PLCB1: variants seen among roughly 807,000 people sequenced by gnomAD.
The protein encoded by PLCB1 is phospholipase C beta 1.
PLCB1 carries 46 observed loss-of-function variants against 161.8 expected under a neutral mutation model. The ratio of observed to expected loss-of-function variants is 0.28; its 90% CI spans 0.22 to 0.36. The LOEUF (loss-of-function observed/expected upper bound fraction) is 0.36, where lower values mean the gene tolerates loss of function less well. Ranked by LOEUF, PLCB1 falls within the 10% of genes least tolerant of loss-of-function variation. The probability of loss-of-function intolerance (pLI) is 1.00; values close to 1 mark genes in which losing one functional copy is unlikely to be tolerated. For missense variants in PLCB1, 1,016 were observed against 1,472.5 expected (o/e 0.69, Z 5.07); for synonymous variants, 517 against 503.7 (o/e 1.03, Z -0.35).
At chr20:8,258,358 C>T (rs894460694) in intron 2 of PLCB1, among the ~76,000 whole-genome samples, 1 of 152,130 alleles carries the variant, frequency 6.6e-6, no homozygotes, top group Non-Finnish European at 1.5e-5. Flanking sequence ...GATTGTGGAG[C>T]CTGCCTGGAG....
chr20:8,374,313 C>G (rs867754781), intron 3 of PLCB1, among the ~76,000 whole-genome samples: 1 of 152,200 alleles, frequency 6.6e-6, no homozygotes, highest in African/African-American at 2.4e-5. Flanking sequence ...GCCTCCCCGT[C>G]GTCTTCCAGC....
chr20:8,725,414 C>G (rs1284719918), intron 16 of PLCB1, among the ~76,000 whole-genome samples: 3 of 152,118 alleles, frequency 2.0e-5, no homozygotes, highest in African/African-American at 7.2e-5. Flanking sequence ...TTGAAACTTA[C>G]TAGCCACTTA....
chr20:8,499,243 A>C (rs1343444386), intron 3 of PLCB1, among the ~76,000 whole-genome samples: 1 of 152,204 alleles, frequency 6.6e-6, no homozygotes, highest in African/African-American at 2.4e-5. Context: ...AAGGGTGAAA[A>C]TAATAATTCT....
At position 8,289,596 on chromosome 20, in the gene PLCB1, C is replaced by G. The variant is rs189229506; in HGVS notation, c.178-81786C>G. ...GGAAGCAGAATTTGAATCCAGGCAG[C>G]CTGAATCCCAAATGTGTCACCTGAA... On this transcript the variant is annotated intron_variant, in intron 2 of 31. Transcript: ENST00000338037. Among the ~76,000 whole-genome samples the G allele has an allele frequency of 1.9e-3, 286 of 152,246 alleles. 1 individual carries two copies. Among genetic ancestry groups the G allele is most frequent in the Middle Eastern group, 3.4e-3 (1 of 294 alleles).
At position 8,731,279 on chromosome 20, in the gene PLCB1, A is replaced by C. The variant is rs545610329; in HGVS notation, c.1889-1959A>C. On this transcript the variant is annotated intron_variant, in intron 18 of 31. Transcript: ENST00000338037. The stretch of plus-strand genomic sequence containing the variant: ...TAATACATTTATATAATCAAATCAG[A>C]GTAATTGGGATATCCATCACCTGAA... Among the ~76,000 whole-genome samples the C allele has an allele frequency of 5.9e-5, 9 of 152,064 alleles. 1 individual carries two copies. In the South Asian group the frequency reaches 1.9e-3, roughly 32 times the overall value.
chr20:8,553,036 C>T (rs1041841153), intron 3 of PLCB1, among the ~76,000 whole-genome samples: 4 of 152,138 alleles, frequency 2.6e-5, no homozygotes, highest in African/African-American at 7.2e-5. Context: ...GAAAACAGTC[C>T]GATTTACATC....
intron 3 of PLCB1, among the ~76,000 whole-genome samples, chr20:8,393,464 G>A (rs1393760007): frequency 6.6e-6 from 1 of 152,052 alleles, no homozygotes; most frequent in Non-Finnish European, 1.5e-5. Flanking sequence ...TTGAGGCCAG[G>A]AGTTTGAGAC....
chr20:8,519,991 A>G (rs1387324918), intron 3 of PLCB1, among the ~76,000 whole-genome samples: 1 of 152,176 alleles, frequency 6.6e-6, no homozygotes, highest in African/African-American at 2.4e-5. Context: ...TTTTTAAAGC[A>G]TGAATGCTTT....
In PLCB1 at chr20:8,735,477, G is replaced by C. The variant is rs1600285951; in HGVS notation, c.2044-1551G>C. ...TCCTACCTTTGACATTATAGCTAGA[G>C]CCAAGATACAGATCATAACTTTCCA... On this transcript the variant is annotated intron_variant, in intron 19 of 31. Transcript: ENST00000338037. Among the ~76,000 whole-genome samples, 3 of 152,238 alleles carry C rather than the reference G, an allele frequency of 2.0e-5. No homozygotes were observed. The South Asian group carries it at 6.2e-4, about 32-fold the overall frequency.
At chr20:8,702,499 T>C (rs908390840) in intron 11 of PLCB1, among the ~76,000 whole-genome samples, 11 of 152,220 alleles carry the variant, frequency 7.2e-5, no homozygotes, top group Admixed American at 7.2e-4. Flanking sequence ...TAAAGTGTCA[T>C]TCATTCCCTG....
At chr20:8,169,531 T>A (rs2051710794) in intron 2 of PLCB1, among the ~76,000 whole-genome samples, 1 of 152,188 alleles carries the variant, frequency 6.6e-6, no homozygotes. Flanking sequence ...ATTGTGTGAA[T>A]CTGAACTAGG....
At chr20:8,825,264 G>A (rs1264028337) in intron 31 of PLCB1, among the ~76,000 whole-genome samples, 3 of 152,174 alleles carry the variant, frequency 2.0e-5, no homozygotes, top group Non-Finnish European at 1.5e-5. Context: ...ACCCAGACAA[G>A]TTATCTGAAA....
intron 2 of PLCB1, among the ~76,000 whole-genome samples, chr20:8,246,828 G>A (rs761783863): frequency 6.6e-6 from 1 of 151,616 alleles, no homozygotes; most frequent in Non-Finnish European, 1.5e-5. Flanking sequence ...TTTTTTCTGA[G>A]ATGAGGATTT....
intron 9 of PLCB1, among the ~76,000 whole-genome samples, chr20:8,672,966 G>A (rs1022550805): frequency 6.6e-6 from 1 of 151,868 alleles, no homozygotes; most frequent in African/African-American, 2.4e-5. Flanking sequence ...ATAAAAATTA[G>A]CCTAGCATGG....
intron 3 of PLCB1, among the ~76,000 whole-genome samples, chr20:8,514,362 C>T (rs1411386856): frequency 6.6e-6 from 1 of 151,478 alleles, no homozygotes; most frequent in Non-Finnish European, 1.5e-5. Context: ...ATCACTTGAA[C>T]CTGGGAGGCG....
chr20:8,595,097 A>G (rs1336349362), intron 3 of PLCB1, among the ~76,000 whole-genome samples: 2 of 152,034 alleles, frequency 1.3e-5, no homozygotes, highest in East Asian at 1.9e-4. Context: ...TATACAAAAT[A>G]TTTATTTATT....
intron 31 of PLCB1, among the ~76,000 whole-genome samples, chr20:8,826,811 T>C (rs1485355309): frequency 2.6e-5 from 4 of 152,194 alleles, no homozygotes; most frequent in Non-Finnish European, 5.9e-5. Context: ...GAATAAGACT[T>C]CACAGGTATG....
At chr20:8,491,242 T>G (rs1386567971) in intron 3 of PLCB1, among the ~76,000 whole-genome samples, 3 of 152,118 alleles carry the variant, frequency 2.0e-5, no homozygotes, top group African/African-American at 7.2e-5. Flanking sequence ...GCATGGTATA[T>G]CTCTTCATTT....
chr20:8,459,446 A>T (rs1981473720), intron 3 of PLCB1, among the ~76,000 whole-genome samples: 1 of 152,090 alleles, frequency 6.6e-6, no homozygotes, highest in South Asian at 2.1e-4. Context: ...TGCTGCCTTT[A>T]TTGGTGTTAC....
Sources: allele counts gnomAD v4.1 joint callset (sites outside exome capture counted in the v4.1 genomes callset), GRCh38; gene constraint gnomAD v4.1.1; transcripts MANE v1.5; gene names NCBI Gene and HGNC (gene_info 2026-07-23, HGNC 2026-07-21).